The following FHL1 variants were observed in gnomAD, a reference collection of about 807,000 sequenced individuals.
FHL1 encodes four and a half LIM domains 1.
In FHL1, 1 loss-of-function variant was observed where a neutral mutation model predicts 20.3. That is an observed-to-expected ratio of 0.05 (90% CI 0.02 to 0.23). FHL1 has a LOEUF of 0.23. Ranked by LOEUF, FHL1 falls within the 10% of genes least tolerant of loss-of-function variation. FHL1 has a pLI of 1.00. For synonymous variants in FHL1, 82 were observed against 88.9 expected (o/e 0.92, Z 0.44); for missense variants, 177 against 234.0 (o/e 0.76, Z 1.59).
chrX:136,152,490 C>T (rs1006958065), intron 1 of FHL1, among the ~76,000 whole-genome samples: 7 of 111,245 alleles, frequency 6.3e-5, no homozygotes, highest in Non-Finnish European at 1.3e-4. Flanking sequence ...GAGGCCAAGC[C>T]GGGCAGATCA....
At chrX:136,166,310 A>C (rs1398592212), upstream of FHL1, among the ~76,000 whole-genome samples, 3 of 112,279 alleles carry the variant, frequency 2.7e-5, no homozygotes, top group African/African-American at 9.7e-5. Context: ...TATGGAACGA[A>C]GACTGCTCCA....
chrX:136,199,932 T>TC (rs2073662926), intron 1 of FHL1, among the ~76,000 whole-genome samples: 1 of 112,042 alleles, frequency 8.9e-6, no homozygotes, highest in Admixed American at 9.4e-5. Context: ...ACAAATCGAC[T>TC]GTAATGAGAG....
rs182997188 is a variant in FHL1, at chrX:136,181,953, T to C, written c.-27+11973T>C. Among the ~76,000 whole-genome samples, 18 of 112,278 alleles carry C rather than the reference T, an allele frequency of 1.6e-4. No homozygotes were observed. The East Asian group carries it at 3.9e-3, about 24-fold the overall frequency. On this transcript the variant is annotated intron_variant, in intron 2 of 6. Transcript: ENST00000394153. ...TTCATAATATTTTATACACTTGAAGTCTAGCTTTTTGAACAGTACACAAAT... is the reference window on the plus strand; with the variant it reads ...TTCATAATATTTTATACACTTGAAGCCTAGCTTTTTGAACAGTACACAAAT...
At position 136,211,248 on chromosome X, in the gene FHL1, G is replaced by C. The variant is rs938504715; in HGVS notation, c.*1223G>C. The C allele has an allele frequency of 2.9e-5, 10 of 343,544 alleles. No individual in the cohort carries two copies. The highest frequency in any genetic ancestry group is 2.6e-4 in the African/African-American group (10 of 38,747). 28.3% of individuals were successfully genotyped at this position (343,544 alleles called of 1,213,427 possible). ...AATGACAATACATACTAACATTCTT[G>C]TAGGAGTGGTTAGAGAAGCTGATGC... is the stretch of plus-strand genomic sequence containing the variant. On this transcript the variant is annotated 3_prime_UTR_variant, in exon 6 of 6. Coordinates refer to ENST00000370683, the MANE Select transcript of FHL1 (RefSeq NM_001159699.2).
At chrX:136,155,230 C>T (rs943593219) in intron 1 of FHL1, among the ~76,000 whole-genome samples, 1 of 111,516 alleles carries the variant, frequency 9.0e-6, no homozygotes, top group African/African-American at 3.3e-5. Flanking sequence ...CTGCATCTTG[C>T]CCTTGTCCCC....
At chrX:136,151,217 G>A (rs181155351) in intron 1 of FHL1, among the ~76,000 whole-genome samples, 1 of 112,714 alleles carries the variant, frequency 8.9e-6, no homozygotes, top group East Asian at 2.8e-4. Context: ...TAGAGACAGG[G>A]ATGCTGCTTA....
intron 2 of FHL1, among the ~76,000 whole-genome samples, chrX:136,171,165 C>T (rs1240212531): frequency 9.0e-6 from 1 of 111,532 alleles, no homozygotes; most frequent in African/African-American, 3.3e-5. Context: ...CTTCCCTCTG[C>T]TGCTGGAGAT....
chrX:136,194,380 C>G (rs188626906), upstream of FHL1, among the ~76,000 whole-genome samples: 1 of 111,768 alleles, frequency 8.9e-6, no homozygotes, highest in East Asian at 2.8e-4. Flanking sequence ...CAGGTTAACC[C>G]AATAATAGGT....
intron 1 of FHL1, among the ~76,000 whole-genome samples, chrX:136,156,049 C>T (rs2072407917): frequency 1.8e-5 from 2 of 109,209 alleles, no homozygotes; most frequent in African/African-American, 6.7e-5. Context: ...AAATGGATTC[C>T]TCTGTATTTA....
intron 1 of FHL1, among the ~76,000 whole-genome samples, chrX:136,159,653 A>AG (rs1250108109): frequency 3.6e-5 from 4 of 112,311 alleles, no homozygotes. Context: ...GCCCCTGAAA[A>AG]GGGGAAGTAT....
At chrX:136,176,228 T>G (rs2072999137) in intron 2 of FHL1, among the ~76,000 whole-genome samples, 2 of 112,516 alleles carry the variant, frequency 1.8e-5, no homozygotes, top group Admixed American at 9.4e-5. Context: ...TTAAGGAACA[T>G]CTTAATGGAG....
intron 1 of FHL1, among the ~76,000 whole-genome samples, chrX:136,201,497 T>C (rs1255435174): frequency 1.1e-5 from 1 of 89,673 alleles, no homozygotes; most frequent in African/African-American, 3.6e-5. Context: ...CAATTTTGCC[T>C]CTTAGTGCAC....
chrX:136,168,109 G>C (rs987996402), upstream of FHL1: 6 of 112,325 alleles, frequency 5.3e-5, no homozygotes, highest in East Asian at 1.1e-3. Flanking sequence ...ATGGACGTAC[G>C]TCCTTACCTC....
At chrX:136,179,157 T>C (rs1020926112) in intron 2 of FHL1, among the ~76,000 whole-genome samples, 1 of 111,742 alleles carries the variant, frequency 8.9e-6, no homozygotes, top group Non-Finnish European at 1.9e-5. Flanking sequence ...GTTTTTCCTA[T>C]GGGTGGTGGT....
chrX:136,183,110 A>G (rs1184645192), intron 2 of FHL1, among the ~76,000 whole-genome samples: 2 of 97,142 alleles, frequency 2.1e-5, no homozygotes, highest in African/African-American at 7.1e-5. Context: ...AAAAAAAAAC[A>G]AAAAACAAAC....
chrX:136,146,770 G>C, upstream of FHL1: 1 of 330,058 alleles, frequency 3.0e-6, no homozygotes, highest in Non-Finnish European at 5.9e-6. Context: ...TCAGTAAACT[G>C]AATGCTGAGT....
At chrX:136,182,616 A>G (rs2073183519) in intron 2 of FHL1, 1 of 111,860 alleles carries the variant, frequency 8.9e-6, no homozygotes, top group Non-Finnish European at 1.9e-5. Flanking sequence ...TCCTTCTGGA[A>G]GTCTTCACTA....
chrX:136,153,547 A>G (rs892411121), intron 1 of FHL1, among the ~76,000 whole-genome samples: 2 of 112,008 alleles, frequency 1.8e-5, no homozygotes, highest in Non-Finnish European at 3.8e-5. Flanking sequence ...GATTTGTCCC[A>G]TCACCCATTG....
chrX:136,209,515 A>G, intron 5 of FHL1: 1 of 1,064,962 alleles, frequency 9.4e-7, no homozygotes, highest in Non-Finnish European at 1.3e-6. Flanking sequence ...CCTGACCTAA[A>G]TCAAAGAAAC....
Sources: gnomAD v4.1 joint callset for allele counts (sites outside exome capture counted in the v4.1 genomes callset) on GRCh38, gnomAD v4.1.1 for gene constraint, MANE v1.5 for transcripts, NCBI Gene and HGNC (gene_info 2026-07-23, HGNC 2026-07-21) for gene names.